ASAH2: variants seen among roughly 807,000 people sequenced by gnomAD.
ASAH2 encodes N-acylsphingosine amidohydrolase 2.
A neutral mutation model predicts 82.9 loss-of-function variants in ASAH2; 58 were observed. That is an observed-to-expected ratio of 0.70 (90% CI 0.57 to 0.87). ASAH2 has a LOEUF of 0.87. ASAH2 is among the 40% of genes least tolerant of loss of function. ASAH2 has a pLI of 0.00. For synonymous variants in ASAH2, 276 were observed against 289.7 expected (o/e 0.95, Z 0.48); for missense variants, 779 against 834.0 (o/e 0.93, Z 0.81).
chr10:50,208,000 T>C (rs2133204512), intron 12 of ASAH2, among the ~76,000 whole-genome samples: 1 of 152,076 alleles, frequency 6.6e-6, no homozygotes, highest in Non-Finnish European at 1.5e-5. Flanking sequence ...AATACAAAGT[T>C]GGTTAAACAT....
intron 6 of ASAH2, among the ~76,000 whole-genome samples, chr10:50,234,010 A>G (rs1164153356): frequency 6.6e-6 from 1 of 152,146 alleles, no homozygotes; most frequent in African/African-American, 2.4e-5. Flanking sequence ...TAAAAGAGCT[A>G]TTCATTAATT....
At chr10:50,206,455 A>G (rs1483058122) in intron 12 of ASAH2, among the ~76,000 whole-genome samples, 11 of 151,600 alleles carry the variant, frequency 7.3e-5, no homozygotes, top group African/African-American at 2.7e-4. Context: ...CTGTTTTGAA[A>G]ATGAAAAATT....
At chr10:50,203,888 T>C (rs1845225885) in intron 14 of ASAH2, among the ~76,000 whole-genome samples, 1 of 152,062 alleles carries the variant, frequency 6.6e-6, no homozygotes, top group African/African-American at 2.4e-5. Flanking sequence ...AACAGTCAAT[T>C]TGACTAAAAG....
chr10:50,234,823 C>T (rs1284287907), intron 5 of ASAH2, among the ~76,000 whole-genome samples: 1 of 152,112 alleles, frequency 6.6e-6, no homozygotes, highest in Non-Finnish European at 1.5e-5. Flanking sequence ...AACTCCTGCT[C>T]TCTCAGGACT....
chr10:50,244,261 C>A, intron 3 of ASAH2, among the ~76,000 whole-genome samples: 1 of 152,168 alleles, frequency 6.6e-6, no homozygotes, highest in East Asian at 1.9e-4. Flanking sequence ...CTCCCCAACC[C>A]TGGGACTCCT....
At chr10:50,227,853 C>T (rs919832524) in intron 7 of ASAH2, among the ~76,000 whole-genome samples, 6 of 152,086 alleles carry the variant, frequency 3.9e-5, no homozygotes, top group African/African-American at 9.7e-5. Context: ...CCTTCACCTA[C>T]GGGGCAGGGG....
Position 50,199,153 on chromosome 10 carries a change from G to A in ASAH2, c.1762-7C>T. On this transcript the variant is annotated splice_region_variant and splice_polypyrimidine_tract_variant and intron_variant, in intron 16 of 20. Coordinates refer to ENST00000682911, the MANE Select transcript of ASAH2 (RefSeq NM_019893.4). ...CTGCCTCATATCGCTGAGCCTGCAG[G>A]AAAGGCAGGGAGAGTTGTATATGGT... The A allele has an allele frequency of 6.2e-7, 1 of 1,612,974 alleles. No homozygotes were observed. The highest frequency in any genetic ancestry group is 8.5e-7 in the Non-Finnish European group (1 of 1,179,204).
Position 50,234,540 on chromosome 10 carries a change from C to T in ASAH2, c.700G>A (p.Ala234Thr). ...VTGILKSIDI[A>T]HTNMKPGKIF... ...TTGCCTGGTTTCATATTTGTGTGTG[C>T]TATGTCAATGCTCTGAAGGTTAAAA... Residue 234 changes from alanine to threonine, a missense_variant, in exon 6 of 21, where the codon GCA becomes ACA. Ala to Thr is a moderately conservative substitution (Grantham distance 58). Coordinates refer to ENST00000682911, the MANE Select transcript of ASAH2 (RefSeq NM_019893.4). 3 of 1,612,780 alleles carry T rather than the reference C, an allele frequency of 1.9e-6. No homozygotes were observed. Among genetic ancestry groups the T allele is most frequent in the Non-Finnish European group, 2.5e-6 (3 of 1,179,092 alleles).
chr10:50,217,668 A>C (rs1243591030), intron 8 of ASAH2, among the ~76,000 whole-genome samples: 2 of 152,206 alleles, frequency 1.3e-5, no homozygotes, highest in Non-Finnish European at 2.9e-5. Flanking sequence ...AGCCAAAATA[A>C]ACCTCTTTTC....
chr10:50,249,478 T>G (rs1281800828), intron 1 of ASAH2, among the ~76,000 whole-genome samples: 6 of 152,112 alleles, frequency 3.9e-5, no homozygotes, highest in Non-Finnish European at 8.8e-5. Context: ...GGTTAAAAAT[T>G]TAGTTTTGAA....
intron 17 of ASAH2, among the ~76,000 whole-genome samples, chr10:50,197,886 G>A (rs988378851): frequency 1.3e-5 from 2 of 151,568 alleles, no homozygotes; most frequent in Admixed American, 1.3e-4. Flanking sequence ...ATGCTTTTCT[G>A]TATAATCTGA....
intron 18 of ASAH2, among the ~76,000 whole-genome samples, chr10:50,193,691 T>G (rs1384585397): frequency 6.6e-6 from 1 of 151,066 alleles, no homozygotes; most frequent in African/African-American, 2.4e-5. Context: ...TCTGCTCTGG[T>G]CCTGCCTAAA....
chr10:50,221,388 C>T (rs1268142890), intron 7 of ASAH2, among the ~76,000 whole-genome samples: 1 of 152,180 alleles, frequency 6.6e-6, no homozygotes, highest in Non-Finnish European at 1.5e-5. Flanking sequence ...TCAGCCAACA[C>T]TGAATATTTC....
chr10:50,215,354 T>TA (rs1845566777), intron 8 of ASAH2, among the ~76,000 whole-genome samples: 1 of 151,904 alleles, frequency 6.6e-6, no homozygotes, highest in East Asian at 1.9e-4. Flanking sequence ...TTTGGTGTTT[T>TA]AGTCATGGAG....
chr10:50,245,924 G>T (rs1405054380), intron 2 of ASAH2, among the ~76,000 whole-genome samples: 1 of 152,044 alleles, frequency 6.6e-6, no homozygotes, highest in Admixed American at 6.6e-5. Context: ...CTCCTCACCT[G>T]CAGGATGCCA....
chr10:50,216,138 C>T (rs1258318366), intron 8 of ASAH2, among the ~76,000 whole-genome samples: 1 of 144,980 alleles, frequency 6.9e-6, no homozygotes, highest in Non-Finnish European at 1.5e-5. Context: ...AGGGGAACAT[C>T]ACACACTGGG....
At chr10:50,204,815 A>G in intron 14 of ASAH2, 46 bp downstream of exon 14, 8 of 1,385,740 alleles carry the variant, frequency 5.8e-6, no homozygotes, top group Non-Finnish European at 8.1e-6. Context: ...CCAACAGAAC[A>G]TACAACAAAC....
intron 8 of ASAH2, among the ~76,000 whole-genome samples, chr10:50,218,089 T>A (rs931655414): frequency 0.76 from 114,799 of 152,020 alleles, 45,597 homozygotes; most frequent in Non-Finnish European, 0.88. Context: ...GTGCCACTGC[T>A]CTCCAGCTTG....
At chr10:50,214,645 A>G in intron 9 of ASAH2, 98 bp downstream of exon 9, 1 of 1,467,786 alleles carries the variant, frequency 6.8e-7, no homozygotes, top group Non-Finnish European at 9.5e-7. Context: ...GCCAGTGTAT[A>G]CTAGAAGACA....
Sources: allele counts gnomAD v4.1 joint callset (sites outside exome capture counted in the v4.1 genomes callset), GRCh38; gene constraint gnomAD v4.1.1; transcripts MANE v1.5; gene names NCBI Gene and HGNC (gene_info 2026-07-23, HGNC 2026-07-21).